Variants in PIEZO2 observed in about 807,000 individuals in gnomAD.
The protein encoded by PIEZO2 is piezo type mechanosensitive ion channel component 2, also known as piezo-type mechanosensitive ion channel component 2.
PIEZO2 carries 172 observed loss-of-function variants against 337.3 expected under a neutral mutation model. That is an observed-to-expected ratio of 0.51 (90% confidence interval 0.45 to 0.58). PIEZO2 has a LOEUF of 0.58. PIEZO2 is among the 20% of genes least tolerant of loss of function. PIEZO2 has a pLI of 0.00. For missense variants in PIEZO2, 3,028 were observed against 3,391.3 expected, an observed-to-expected ratio of 0.89 and a Z score of 2.66; for synonymous variants, 1,251 against 1,228.5, an observed-to-expected ratio of 1.02 and a Z score of -0.38.
At chr18:11,017,027 G>C (rs1287994075) in intron 2 of PIEZO2, among the ~76,000 whole-genome samples, 1 of 152,172 alleles carries the variant, frequency 6.6e-6, no homozygotes, top group African/African-American at 2.4e-5. Context: ...AGGTACACCA[G>C]CCTGGAGAAA....
intron 2 of PIEZO2, among the ~76,000 whole-genome samples, chr18:10,995,463 T>G (rs1406547241): frequency 6.6e-6 from 1 of 152,140 alleles, no homozygotes; most frequent in Non-Finnish European, 1.5e-5. Context: ...TGTACAAAAG[T>G]TCTTTAGTTT....
chr18:10,702,487 A>G (rs62095595), intron 42 of PIEZO2, among the ~76,000 whole-genome samples: 34,538 of 152,152 alleles, frequency 0.23, 3,971 homozygotes, highest in South Asian at 0.28. Flanking sequence ...TTAATTAGAT[A>G]TTGATATAAT....
chr18:11,126,717 A>T lies in PIEZO2; in HGVS notation c.64+21808T>A, dbSNP rs1281737008. Among the ~76,000 whole-genome samples the T allele has an allele frequency of 6.6e-6, 1 of 152,094 alleles. No homozygotes were observed. Among genetic ancestry groups the T allele is most frequent in the Non-Finnish European group, 1.5e-5 (1 of 68,036 alleles). The stretch of plus-strand genomic sequence containing the variant: ...AATGAATCAATGAAAGATCAACATC[A>T]CAATAATAATTTACATTTATTAGAT... On this transcript the variant is annotated intron_variant, in intron 1 of 55. Coordinates refer to ENST00000674853, the MANE Select transcript of PIEZO2 (RefSeq NM_001378183.1). This position sits in a 1 kb window ranked among gnomAD's most constrained non-coding sequence, Gnocchi z 4.6.
intron 1 of PIEZO2, among the ~76,000 whole-genome samples, chr18:11,075,552 C>T (rs929558667): frequency 2.0e-5 from 3 of 152,198 alleles, no homozygotes; most frequent in African/African-American, 4.8e-5. Context: ...TTCCTCTCCC[C>T]CTCTAGTCTC....
intron 5 of PIEZO2, among the ~76,000 whole-genome samples, chr18:10,865,566 A>T (rs1568143695): frequency 6.6e-6 from 1 of 152,170 alleles, no homozygotes; most frequent in Non-Finnish European, 1.5e-5. Flanking sequence ...AGCTGGGTAG[A>T]TGGAGCTTCT....
chr18:11,067,696 G>T (rs1328066920), intron 1 of PIEZO2, among the ~76,000 whole-genome samples: 1 of 152,096 alleles, frequency 6.6e-6, no homozygotes, highest in Non-Finnish European at 1.5e-5. Context: ...ACCCAAGATT[G>T]GAACATCTAC....
chr18:10,933,823 A>G (rs756496976), intron 3 of PIEZO2, among the ~76,000 whole-genome samples: 19 of 152,188 alleles, frequency 1.2e-4, no homozygotes, highest in Non-Finnish European at 2.2e-4. Context: ...AACTGTTCTC[A>G]TGGTAGTGAA....
Position 10,993,523 on chromosome 18 carries a change from T to C in PIEZO2, c.161-13863A>G, listed in dbSNP as rs373854387. Among the ~76,000 whole-genome samples the C allele has an allele frequency of 2.6e-3, 401 of 152,136 alleles. 3 individuals are homozygous for C. The highest frequency in any genetic ancestry group is 8.2e-3 in the African/African-American group (340 of 41,528). On this transcript the variant is annotated intron_variant, in intron 2 of 55. Coordinates refer to ENST00000674853, the MANE Select transcript of PIEZO2 (RefSeq NM_001378183.1). The surrounding 1 kb of genome is among the most constrained non-coding windows in gnomAD (Gnocchi z 5.0). ...GTGATAGATTACGTTTTTGTTGTTG[T>C]TGTTGTTGTTGTTGTTGTTTTGAGG...
At chr18:10,901,428 ACG>A (rs1224620371) in intron 4 of PIEZO2, among the ~76,000 whole-genome samples, 6 of 88,346 alleles carry the variant, frequency 6.8e-5, no homozygotes, top group Admixed American at 1.2e-4. Context: ...ACACACACAC[ACG>A]CACACACACA....
In PIEZO2 at chr18:11,069,446, A is replaced by G. The variant is rs1210398444; in HGVS notation, c.65-3224T>C. On this transcript the variant is annotated intron_variant, in intron 1 of 55. Transcript: ENST00000674853. This position sits in a 1 kb window ranked among gnomAD's most constrained non-coding sequence, Gnocchi z 4.9. ...CAAAAGCCATATATCTTCTCAAAAGATGCAGAAAAACTATCTGACAAAATT... is the reference window on the plus strand; with the variant it reads ...CAAAAGCCATATATCTTCTCAAAAGGTGCAGAAAAACTATCTGACAAAATT... 6.6e-6 allele frequency among the ~76,000 whole-genome samples: 1 copy of G among 152,242 alleles called. No individual in the cohort carries two copies. The highest frequency in any genetic ancestry group is 6.5e-5 in the Admixed American group (1 of 15,286).
At chr18:10,714,079 T>A (rs1242144544) in intron 39 of PIEZO2, among the ~76,000 whole-genome samples, 1 of 152,140 alleles carries the variant, frequency 6.6e-6, no homozygotes. Context: ...TTTATATACA[T>A]CCTAGCTGTG....
Position 11,129,341 on chromosome 18 carries a change from C to T in PIEZO2, c.64+19184G>A, listed in dbSNP as rs554139239. On this transcript the variant is annotated intron_variant, in intron 1 of 55. Coordinates refer to ENST00000674853, the MANE Select transcript of PIEZO2 (RefSeq NM_001378183.1). This position sits in a 1 kb window ranked among gnomAD's most constrained non-coding sequence, Gnocchi z 4.6. Reference sequence around the variant, plus strand: ...ACTCAACTGTCAAAGGCAAGGTAGGCGTAGCTACCATAATGGACAGCAGAG... The same window carrying T: ...ACTCAACTGTCAAAGGCAAGGTAGGTGTAGCTACCATAATGGACAGCAGAG... Among the ~76,000 whole-genome samples the T allele has an allele frequency of 3.1e-4, 47 of 152,240 alleles. No individual in the cohort carries two copies. Among genetic ancestry groups the T allele is most frequent in the African/African-American group, 8.2e-4 (34 of 41,546 alleles).
rs1349972406 is a variant in PIEZO2, at chr18:10,794,969, A to G, written c.1561T>C (p.Phe521Leu). The G allele has an allele frequency of 1.2e-5, 18 of 1,547,814 alleles. No homozygotes were observed. Among genetic ancestry groups the G allele is most frequent in the Admixed American group, 2.0e-5 (1 of 50,994 alleles). ...GTGCACGACCAGATCAGCAGCACGA[A>G]GGTCAGCCAGCTGTGATAGGTGATG... is the stretch of plus-strand genomic sequence containing the variant. Reference protein sequence around the residue: ...WSITYHSWLTFVLLIWSCTLW... With the variant: ...WSITYHSWLTLVLLIWSCTLW... Residue 521 changes from phenylalanine to leucine, a missense_variant, in exon 13 of 56, where the codon TTC becomes CTC. Transcript: ENST00000674853. The surrounding 1 kb of genome is among the most constrained non-coding windows in gnomAD (Gnocchi z 6.6).
In PIEZO2 at chr18:11,078,597, T is replaced by A. The variant is rs928217250; in HGVS notation, c.65-12375A>T. On this transcript the variant is annotated intron_variant, in intron 1 of 55. Coordinates refer to ENST00000674853, the MANE Select transcript of PIEZO2 (RefSeq NM_001378183.1). The surrounding 1 kb of genome is among the most constrained non-coding windows in gnomAD (Gnocchi z 5.3). ...TCGCTTTTGCTTTCAAATATTTCTG[T>A]TGCTAGAGAAGTAGACACACCTTTT... is the stretch of plus-strand genomic sequence containing the variant. Among the ~76,000 whole-genome samples the A allele has an allele frequency of 1.1e-4, 16 of 152,230 alleles. No homozygotes were observed. The highest frequency in any genetic ancestry group is 3.9e-4 in the African/African-American group (16 of 41,460).
In PIEZO2 at chr18:10,833,150, C is replaced by T. The variant is rs192536329; in HGVS notation, c.917+22203G>A. Among the ~76,000 whole-genome samples, 1 of 152,254 alleles carries T rather than the reference C, an allele frequency of 6.6e-6. No homozygotes were observed. The highest frequency in any genetic ancestry group is 1.9e-4 in the East Asian group (1 of 5,164). The stretch of plus-strand genomic sequence containing the variant: ...GCTTTTCCTGGCAGAGAGGCAGCAA[C>T]ACCCAAGGAACACAGTGGCAGGATG... On this transcript the variant is annotated intron_variant, in intron 7 of 55. Coordinates refer to ENST00000674853, the MANE Select transcript of PIEZO2 (RefSeq NM_001378183.1). This position sits in a 1 kb window ranked among gnomAD's most constrained non-coding sequence, Gnocchi z 4.7.
At position 10,916,580 on chromosome 18, in the gene PIEZO2, T is replaced by C. The variant is rs377237986; in HGVS notation, c.287-5352A>G. Among the ~76,000 whole-genome samples the C allele has an allele frequency of 3.2e-3, 486 of 152,248 alleles. 4 individuals are homozygous for C. Among genetic ancestry groups the C allele is most frequent in the African/African-American group, 0.01 (417 of 41,576 alleles). On this transcript the variant is annotated intron_variant, in intron 3 of 55. Coordinates refer to ENST00000674853, the MANE Select transcript of PIEZO2 (RefSeq NM_001378183.1). ...CGGCACCAGCAGGCCGCTCTGAGTG[T>C]GGGGTCCGTGAGGCCGCGCCCATCT...
At chr18:10,965,254 G>C (rs2033949481) in intron 3 of PIEZO2, among the ~76,000 whole-genome samples, 1 of 152,218 alleles carries the variant, frequency 6.6e-6, no homozygotes, top group Admixed American at 6.5e-5. Context: ...CCCACCAGCA[G>C]AGAGCTCCAG....
At chr18:10,827,840 A>G (rs1195458263) in intron 7 of PIEZO2, among the ~76,000 whole-genome samples, 1 of 152,202 alleles carries the variant, frequency 6.6e-6, no homozygotes, top group Non-Finnish European at 1.5e-5. Context: ...AGCTCATGTT[A>G]AGGGGCTTCT....
Position 10,715,836 on chromosome 18 carries a change from C to T in PIEZO2, c.5090-20G>A. 1 of 1,495,052 alleles carries T rather than the reference C, an allele frequency of 6.7e-7. No homozygotes were observed. The highest frequency in any genetic ancestry group is 2.1e-5 in the Admixed American group (1 of 47,660). The allele number at this position is 1,495,052 out of a possible 1,614,324, so 92.6% of individuals were successfully genotyped here. A position where few individuals can be genotyped will look rare whatever the true frequency, so the allele number is the denominator to read the frequency against. ...TATTATCTAGGAGGAAGAAAGGCAA[C>T]AAGATGTTAAAGGAACAAAATACCA... is the stretch of plus-strand genomic sequence containing the variant. On this transcript the variant is annotated intron_variant, in intron 37 of 55. Transcript: ENST00000674853.
Sources: allele counts gnomAD v4.1 joint callset (sites outside exome capture counted in the v4.1 genomes callset), GRCh38; gene constraint gnomAD v4.1.1; non-coding constraint Gnocchi (gnomAD v3.1); transcripts MANE v1.5; gene names NCBI Gene and HGNC (gene_info 2026-07-23, HGNC 2026-07-21).